NRG3: variants seen among roughly 807,000 people sequenced by gnomAD.
NRG3 encodes neuregulin 3.
NRG3 carries 31 observed loss-of-function variants against 66.9 expected under a neutral mutation model. The observed-to-expected ratio is 0.46, with a 90% confidence interval of 0.35 to 0.63. The LOEUF (loss-of-function observed/expected upper bound fraction) is 0.63, where lower values mean the gene tolerates loss of function less well. Ranked by LOEUF, NRG3 falls within the 20% of genes least tolerant of loss-of-function variation. The pLI is 0.00. For synonymous variants in NRG3, 393 were observed against 359.4 expected, an observed-to-expected ratio of 1.09 and a Z score of -1.06; for missense variants, 910 against 878.9, an observed-to-expected ratio of 1.04 and a Z score of -0.45.
chr10:82,492,754 C>A (rs965585111), intron 2 of NRG3, among the ~76,000 whole-genome samples: 1 of 152,168 alleles, frequency 6.6e-6, no homozygotes, highest in African/African-American at 2.4e-5. Context: ...TATAAAATTA[C>A]ATGCAAATGT....
intron 1 of NRG3, among the ~76,000 whole-genome samples, chr10:82,070,910 A>G (rs952100704): frequency 1.3e-5 from 2 of 152,220 alleles, no homozygotes; most frequent in African/African-American, 4.8e-5. Context: ...TATAATGTCT[A>G]AACTTATCCA....
chr10:81,922,798 AT>A (rs1846382346), intron 1 of NRG3, among the ~76,000 whole-genome samples: 1 of 152,228 alleles, frequency 6.6e-6, no homozygotes, highest in East Asian at 1.9e-4. Flanking sequence ...TCTTAAAAAT[AT>A]TTTTAAATGT....
intron 2 of NRG3, among the ~76,000 whole-genome samples, chr10:82,479,352 CAGAG>C (rs1842038021): frequency 1.3e-5 from 2 of 151,928 alleles, no homozygotes; most frequent in Admixed American, 6.6e-5. Context: ...CACCTATAGA[CAGAG>C]AGGAAGGGGG....
At chr10:82,972,867 T>C (rs561801031) in intron 6 of NRG3, among the ~76,000 whole-genome samples, 3 of 151,616 alleles carry the variant, frequency 2.0e-5, no homozygotes, top group African/African-American at 7.2e-5. Context: ...GCTTTTGAAA[T>C]GAGAAAAAAA....
intron 1 of NRG3, among the ~76,000 whole-genome samples, chr10:82,248,173 A>G (rs2077328611): frequency 6.6e-6 from 1 of 152,174 alleles, no homozygotes; most frequent in African/African-American, 2.4e-5. Flanking sequence ...CCTTTTATTC[A>G]GTTCACTAGC....
intron 4 of NRG3, among the ~76,000 whole-genome samples, chr10:82,923,685 A>G (rs1023575289): frequency 6.6e-6 from 1 of 152,016 alleles, no homozygotes; most frequent in Non-Finnish European, 1.5e-5. Flanking sequence ...ACATCAGGCA[A>G]TTAGCATTAG....
At chr10:82,848,738 C>A (rs1024411332) in intron 3 of NRG3, among the ~76,000 whole-genome samples, 3 of 152,014 alleles carry the variant, frequency 2.0e-5, no homozygotes, top group Non-Finnish European at 4.4e-5. Context: ...TGGGAGGGAC[C>A]CAGTGGGAGA....
intron 4 of NRG3, among the ~76,000 whole-genome samples, chr10:82,911,216 A>G (rs999780140): frequency 6.6e-6 from 1 of 152,136 alleles, no homozygotes; most frequent in Non-Finnish European, 1.5e-5. Flanking sequence ...AAAGAATGGG[A>G]TATGGTTAAG....
chr10:81,923,784 C>A (rs1449439950), intron 1 of NRG3, among the ~76,000 whole-genome samples: 1 of 152,160 alleles, frequency 6.6e-6, no homozygotes, highest in African/African-American at 2.4e-5. Context: ...TTTGTTCAGA[C>A]TGTGGTATAG....
chr10:81,974,519 TGGAGTTATA>T (rs899742425), intron 1 of NRG3, among the ~76,000 whole-genome samples: 2 of 151,958 alleles, frequency 1.3e-5, no homozygotes, highest in Non-Finnish European at 2.9e-5. Context: ...TCCCCGATAA[TGGAGTTATA>T]GGGCTCTTTA....
At chr10:81,926,103 G>T (rs907851656) in intron 1 of NRG3, among the ~76,000 whole-genome samples, 1 of 151,624 alleles carries the variant, frequency 6.6e-6, no homozygotes, top group South Asian at 2.1e-4. Flanking sequence ...GGGCCATATT[G>T]CTACTTTATT....
intron 4 of NRG3, among the ~76,000 whole-genome samples, chr10:82,916,532 G>A (rs957771954): frequency 1.2e-4 from 18 of 152,156 alleles, no homozygotes; most frequent in African/African-American, 4.3e-4. Context: ...CTTATATAAT[G>A]TTAGTCACCT....
intron 4 of NRG3, among the ~76,000 whole-genome samples, chr10:82,889,717 C>A (rs1469671417): frequency 6.6e-6 from 1 of 152,156 alleles, no homozygotes; most frequent in East Asian, 1.9e-4. Context: ...ATATCGCCTG[C>A]CCCAGTCTTA....
At chr10:81,979,542 T>TA (rs2060257205) in intron 1 of NRG3, among the ~76,000 whole-genome samples, 1 of 152,238 alleles carries the variant, frequency 6.6e-6, no homozygotes, top group Non-Finnish European at 1.5e-5. Flanking sequence ...TTGTCCCACT[T>TA]AATTTCCTTT....
chr10:82,025,100 A>G (rs1564747800), intron 1 of NRG3, among the ~76,000 whole-genome samples: 1 of 151,952 alleles, frequency 6.6e-6, no homozygotes, highest in Admixed American at 6.6e-5. Context: ...AGTAAACTGT[A>G]GTTTTTATGT....
At chr10:82,432,330 A>G (rs2136334107) in intron 2 of NRG3, among the ~76,000 whole-genome samples, 1 of 151,994 alleles carries the variant, frequency 6.6e-6, no homozygotes. Flanking sequence ...CTCACATGTG[A>G]GTGAGAACAT....
chr10:82,640,995 A>T, intron 2 of NRG3, among the ~76,000 whole-genome samples: 1 of 145,510 alleles, frequency 6.9e-6, no homozygotes, highest in Non-Finnish European at 1.5e-5. Context: ...GGGTCTTTAA[A>T]TTTTTCAGTC....
At chr10:82,488,232 T>A (rs571467142) in intron 2 of NRG3, among the ~76,000 whole-genome samples, 1 of 152,264 alleles carries the variant, frequency 6.6e-6, no homozygotes, top group African/African-American at 2.4e-5. Context: ...AAGCACCTTA[T>A]ACCTGCCTGG....
intron 2 of NRG3, among the ~76,000 whole-genome samples, chr10:82,459,014 C>CT (rs1468434956): frequency 2.0e-5 from 3 of 152,172 alleles, no homozygotes; most frequent in African/African-American, 7.2e-5. Context: ...ATACAGTCTG[C>CT]TTGCCACACT....
Sources: gnomAD v4.1 joint callset for allele counts (sites outside exome capture counted in the v4.1 genomes callset) on GRCh38, gnomAD v4.1.1 for gene constraint, MANE v1.5 for transcripts, NCBI Gene and HGNC (gene_info 2026-07-23, HGNC 2026-07-21) for gene names.